Variants in TLL1 observed in about 807,000 individuals in gnomAD.
TLL1 encodes tolloid like 1.
TLL1 carries 49 observed loss-of-function variants against 128.2 expected under a neutral mutation model. The observed-to-expected ratio is 0.38, with a 90% CI of 0.30 to 0.48. TLL1 has a LOEUF of 0.48. Among genes scored for constraint, TLL1 ranks in the 20% least tolerant of loss-of-function variants. The pLI is 0.96. For missense variants in TLL1, 1,123 were observed against 1,242.0 expected, an observed-to-expected ratio of 0.90 and a Z score of 1.44; for synonymous variants, 454 against 418.8, an observed-to-expected ratio of 1.08 and a Z score of -1.03.
At chr4:166,089,497 A>G in intron 18 of TLL1, among the ~76,000 whole-genome samples, 1 of 152,092 alleles carries the variant, frequency 6.6e-6, no homozygotes, top group Non-Finnish European at 1.5e-5. Flanking sequence ...ATCCTACGCA[A>G]TGTGTGTACT....
intron 1 of TLL1, among the ~76,000 whole-genome samples, chr4:165,884,213 A>T (rs1014757555): frequency 3.3e-5 from 5 of 152,230 alleles, no homozygotes. Context: ...GCTCATGTGT[A>T]AATAGTTGTT....
intron 11 of TLL1, 106 bp downstream of exon 11, chr4:166,042,249 A>C: frequency 2.5e-6 from 2 of 788,422 alleles, no homozygotes. Flanking sequence ...TAAAATTATG[A>C]ATTTTTCTGA....
intron 18 of TLL1, among the ~76,000 whole-genome samples, chr4:166,089,451 A>G (rs186473227): frequency 8.5e-5 from 13 of 152,270 alleles, no homozygotes; most frequent in Admixed American, 6.5e-4. Flanking sequence ...TGACAGGTTT[A>G]TGCAAACATC....
At chr4:166,055,555 G>T (rs565513537) in intron 13 of TLL1, among the ~76,000 whole-genome samples, 19 of 152,096 alleles carry the variant, frequency 1.2e-4, no homozygotes, top group Non-Finnish European at 2.6e-4. Context: ...GAAAATATTT[G>T]CAATGAAAAT....
chr4:165,956,853 G>A (rs1306192122), intron 1 of TLL1, among the ~76,000 whole-genome samples: 1 of 151,964 alleles, frequency 6.6e-6, no homozygotes, highest in Non-Finnish European at 1.5e-5. Context: ...GCTCCAGCCG[G>A]TCCCTCTGTT....
intron 9 of TLL1, among the ~76,000 whole-genome samples, chr4:166,026,398 A>G (rs1450514561): frequency 6.8e-6 from 1 of 147,182 alleles, no homozygotes; most frequent in African/African-American, 2.5e-5. Flanking sequence ...GTCAAAAACA[A>G]AAACAAGGCC....
chr4:166,019,497 C>T (rs1004222512), intron 8 of TLL1, among the ~76,000 whole-genome samples: 2 of 151,848 alleles, frequency 1.3e-5, no homozygotes, highest in Admixed American at 6.6e-5. Context: ...CTTTTAATGC[C>T]AGCTTTTTTT....
At chr4:166,023,749 TTTATC>T (rs1490613612) in intron 8 of TLL1, among the ~76,000 whole-genome samples, 1 of 152,228 alleles carries the variant, frequency 6.6e-6, no homozygotes, top group African/African-American at 2.4e-5. Flanking sequence ...TTAGCATGTA[TTTATC>T]TTCTTAATCA....
At position 166,101,504 on chromosome 4, in the gene TLL1, G is replaced by A. The variant is rs1204621834; in HGVS notation, c.*628G>A. On this transcript the variant is annotated 3_prime_UTR_variant, in exon 21 of 21. Coordinates refer to ENST00000061240, the MANE Select transcript of TLL1 (RefSeq NM_012464.5). ...CAAATGATCTTGAGACCACTTTAGT[G>A]TACTTACATTTAGATGAGTTTGAAA... 2 of 152,966 alleles carry A rather than the reference G, an allele frequency of 1.3e-5. No individual in the cohort carries two copies. Among genetic ancestry groups the A allele is most frequent in the Non-Finnish European group, 2.9e-5 (2 of 68,686 alleles). 9.5% of individuals were successfully genotyped at this position (152,966 alleles called of 1,614,324 possible). A position where few individuals can be genotyped will look rare whatever the true frequency, so the allele number is the denominator to read the frequency against.
intron 1 of TLL1, among the ~76,000 whole-genome samples, chr4:165,965,757 T>C (rs550302597): frequency 6.6e-6 from 1 of 152,344 alleles, no homozygotes; most frequent in Admixed American, 6.5e-5. Flanking sequence ...CAGGCACATG[T>C]ATCTTCTATT....
intron 1 of TLL1, among the ~76,000 whole-genome samples, chr4:165,975,548 A>G (rs1316300322): frequency 6.6e-6 from 1 of 152,194 alleles, no homozygotes; most frequent in Non-Finnish European, 1.5e-5. Context: ...AGCTCATTTT[A>G]TAAGGTGAAT....
At chr4:166,056,466 G>T (rs1384858588) in intron 13 of TLL1, among the ~76,000 whole-genome samples, 1 of 151,554 alleles carries the variant, frequency 6.6e-6, no homozygotes, top group African/African-American at 2.4e-5. Flanking sequence ...TTAAAATGGG[G>T]TTATCATATT....
At position 165,951,156 on chromosome 4, in the gene TLL1, A is replaced by G. The variant is rs181751525; in HGVS notation, c.170-38225A>G. On this transcript the variant is annotated intron_variant, in intron 1 of 20. Transcript: ENST00000061240. ...ACATTTGAAAGACTAGATGAAATAG[A>G]CAAATTATTTGAAAGATGTAAACTA... Among the ~76,000 whole-genome samples, 22 of 152,304 alleles carry G rather than the reference A, an allele frequency of 1.4e-4. No homozygotes were observed. In the South Asian group the frequency reaches 1.4e-3, roughly 10 times the overall value.
intron 1 of TLL1, among the ~76,000 whole-genome samples, chr4:165,879,504 G>A (rs1053552526): frequency 6.6e-6 from 1 of 152,140 alleles, no homozygotes; most frequent in African/African-American, 2.4e-5. Flanking sequence ...AAAGAGGTTA[G>A]CCTTTAAATT....
At chr4:166,030,684 A>G (rs1337766174) in intron 9 of TLL1, 9 of 1,070,920 alleles carry the variant, frequency 8.4e-6, no homozygotes, top group African/African-American at 6.6e-5. Flanking sequence ...AATAGAAACC[A>G]TTCTTGTACA....
At chr4:165,935,024 G>A (rs1428687278) in intron 1 of TLL1, among the ~76,000 whole-genome samples, 1 of 152,150 alleles carries the variant, frequency 6.6e-6, no homozygotes, top group Non-Finnish European at 1.5e-5. Flanking sequence ...TGTAATCAGA[G>A]TAGCAGATAA....
intron 1 of TLL1, among the ~76,000 whole-genome samples, chr4:165,933,294 T>C (rs1313677884): frequency 1.3e-5 from 2 of 152,010 alleles, no homozygotes; most frequent in Non-Finnish European, 2.9e-5. Context: ...GACATCATGG[T>C]CTTGTGGGGA....
chr4:166,099,865 C>T (rs1441213899), intron 20 of TLL1, among the ~76,000 whole-genome samples: 1 of 152,220 alleles, frequency 6.6e-6, no homozygotes, highest in Non-Finnish European at 1.5e-5. Flanking sequence ...ATAGACAATT[C>T]TGTCACGTTT....
chr4:166,060,164 G>A lies in TLL1; in HGVS notation c.1983G>A (p.Glu661=), dbSNP rs769857307. Residue 661 remains glutamate (E), a synonymous_variant, in exon 15 of 21, where the codon GAG becomes GAA. Coordinates refer to ENST00000061240, the MANE Select transcript of TLL1 (RefSeq NM_012464.5). Reference sequence around the variant, plus strand: ...AGTACAGAATTTCTGTGAAGTTTGAGTTTTTTGAATTGGAAGGCAATGAAG... The same window carrying A: ...AGTACAGAATTTCTGTGAAGTTTGAATTTTTTGAATTGGAAGGCAATGAAG... ...PTQYRISVKF[E]FFELEGNEVC... 16 of 1,613,100 alleles carry A rather than the reference G, an allele frequency of 9.9e-6. No individual in the cohort carries two copies. The highest frequency in any genetic ancestry group is 1.4e-5 in the Non-Finnish European group (16 of 1,179,718).
Sources: allele counts gnomAD v4.1 joint callset (sites outside exome capture counted in the v4.1 genomes callset), GRCh38; gene constraint gnomAD v4.1.1; transcripts MANE v1.5; gene names NCBI Gene and HGNC (gene_info 2026-07-23, HGNC 2026-07-21).